The following FCHSD1 variants were observed in gnomAD, a reference collection of about 807,000 sequenced individuals.
FCHSD1 encodes the protein FCH and double SH3 domains 1.
FCHSD1 carries 109 observed loss-of-function variants against 101.3 expected under a neutral mutation model. That is an observed-to-expected ratio of 1.08 (90% CI 0.92 to 1.26). The LOEUF is 1.26. FCHSD1 is among the 50% of genes most tolerant of loss of function. FCHSD1 has a pLI of 0.00. For missense variants in FCHSD1, 820 were observed against 895.8 expected (o/e 0.92, Z 1.08); for synonymous variants, 291 against 356.8 (o/e 0.82, Z 2.08).
Position 141,640,076 on chromosome 5 carries a change from G to C in FCHSD1, c.*1422C>G. ...CCAAGGCAGGGATGCCTGCCATGGAGAGGCTGCCCCCTGAGAGGCCACAGC... is the reference window on the plus strand; with the variant it reads ...CCAAGGCAGGGATGCCTGCCATGGACAGGCTGCCCCCTGAGAGGCCACAGC... On this transcript the variant is annotated 3_prime_UTR_variant, in exon 20 of 20. Transcript: ENST00000435817. 1 of 1,613,640 alleles carries C rather than the reference G, an allele frequency of 6.2e-7. No individual in the cohort carries two copies. The highest frequency in any genetic ancestry group is 1.1e-5 in the South Asian group (1 of 91,080).
In FCHSD1 at chr5:141,640,488, A is replaced by G. The variant is rs1473760952; in HGVS notation, c.*1010T>C. ...CTAAATGAGGTAATCTCATCTTCCC[A>G]TCACCTACTTAAACTATTTAAGCCT... On this transcript the variant is annotated 3_prime_UTR_variant, in exon 20 of 20. Coordinates refer to ENST00000435817, the MANE Select transcript of FCHSD1 (RefSeq NM_033449.3). 1 of 1,613,990 alleles carries G rather than the reference A, an allele frequency of 6.2e-7. No homozygotes were observed. The highest frequency in any genetic ancestry group is 8.5e-7 in the Non-Finnish European group (1 of 1,179,936).
intron 8 of FCHSD1, 100 bp from the exon 9 acceptor site, chr5:141,647,620 G>A: frequency 6.5e-7 from 1 of 1,538,730 alleles, no homozygotes. Context: ...TGAGGTATAG[G>A]AAGGAGAGAA....
chr5:141,647,217 T>TG lies in FCHSD1; in HGVS notation c.841dup (p.Gln281ProfsTer27). On this transcript the variant is annotated frameshift_variant, in exon 10 of 20. Transcript: ENST00000435817. LOFTEE classifies it high-confidence loss of function. The stretch of plus-strand genomic sequence containing the variant: ...CTCCTGAAGAAACAGCTTCAGGTCT[T>TG]GCTCCCAGCTTACCTAGGGGTTGGG... 1 of 1,606,328 alleles carries TG rather than the reference T, an allele frequency of 6.2e-7. No homozygotes were observed. Among genetic ancestry groups the TG allele is most frequent in the South Asian group, 1.1e-5 (1 of 89,284 alleles).
In FCHSD1 at chr5:141,639,431, G is replaced by A; in HGVS notation, c.*2067C>T. 1 of 1,543,226 alleles carries A rather than the reference G, an allele frequency of 6.5e-7. No individual in the cohort carries two copies. Among genetic ancestry groups the A allele is most frequent in the Non-Finnish European group, 8.8e-7 (1 of 1,132,674 alleles). On this transcript the variant is annotated 3_prime_UTR_variant, in exon 20 of 20. Transcript: ENST00000435817. This position sits in a 1 kb window ranked among gnomAD's most constrained non-coding sequence, Gnocchi z 4.4. The stretch of plus-strand genomic sequence containing the variant: ...ACAAAACATGAAGGGAAATGGAAAT[G>A]TTACCCTCACTCCCCTCCTCCCTGC...
At position 141,644,216 on chromosome 5, in the gene FCHSD1, A is replaced by G; in HGVS notation, c.1863+2T>C. ...GGAGTTCAGGGAGAAGGTAAGCCTC[A>G]CCTGTTCAGGGTCAGAGAGTTCAGG... On this transcript the variant is annotated splice_donor_variant, in intron 17 of 19. Transcript: ENST00000435817. LOFTEE classifies it high-confidence loss of function. 3 of 1,608,892 alleles carry G rather than the reference A, an allele frequency of 1.9e-6. No homozygotes were observed. The highest frequency in any genetic ancestry group is 2.5e-6 in the Non-Finnish European group (3 of 1,177,594).
rs1274666385 is a variant in FCHSD1 at position 141,640,276 on chromosome 5, C to T, written c.*1222G>A. On this transcript the variant is annotated 3_prime_UTR_variant, in exon 20 of 20. Coordinates refer to ENST00000435817, the MANE Select transcript of FCHSD1 (RefSeq NM_033449.3). ...GAGGCAAATGGGCAGCCAAGCAAAC[C>T]AGACACTTCTGATCACCAGGTAGGA... 1 of 1,613,756 alleles carries T rather than the reference C, an allele frequency of 6.2e-7. No homozygotes were observed. Among genetic ancestry groups the T allele is most frequent in the Non-Finnish European group, 8.5e-7 (1 of 1,179,866 alleles).
chr5:141,642,627 G>A (rs997990880), intron 18 of FCHSD1: 1 of 542,058 alleles, frequency 1.8e-6, no homozygotes, highest in Non-Finnish European at 3.2e-6. Context: ...CATATTGGGA[G>A]GACACCGTGA....
chr5:141,647,678 G>A, intron 8 of FCHSD1, 158 bp from the exon 9 acceptor site: 1 of 1,185,196 alleles, frequency 8.4e-7, no homozygotes, highest in South Asian at 1.5e-5. Context: ...GCACTTAGAA[G>A]TTTAAAACAC....
Position 141,645,898 on chromosome 5 carries a change from A to C in FCHSD1, c.1184T>G (p.Leu395Arg). The change falls in exon 13 of 20, where the codon CTG becomes CGG. Residue 395 changes from leucine (L) to arginine (R), a missense_variant. Leu to Arg is a moderately radical substitution (Grantham distance 102). Coordinates refer to ENST00000435817, the MANE Select transcript of FCHSD1 (RefSeq NM_033449.3). ...CACATCTAAGCCAGCCCCCTGCAGC[A>C]GGGCCAGCCGGGCAGCCCCCTTCAC... ...SQVKGAARLA[L>R]LQGAGLDVER... The C allele has an allele frequency of 6.3e-7, 1 of 1,576,402 alleles. No individual in the cohort carries two copies. Among genetic ancestry groups the C allele is most frequent in the Non-Finnish European group, 8.6e-7 (1 of 1,160,704 alleles).
Position 141,642,409 on chromosome 5 carries a change from A to G in FCHSD1, c.1951+592T>C, listed in dbSNP as rs1018221055. 20 of 694,678 alleles carry G rather than the reference A, an allele frequency of 2.9e-5. No individual in the cohort carries two copies. In the Admixed American group the frequency reaches 3.1e-4, roughly 11 times the overall value. 43.0% of individuals were successfully genotyped at this position (694,678 alleles called of 1,614,324 possible). A position where few individuals can be genotyped will look rare whatever the true frequency, so the allele number is the denominator to read the frequency against. On this transcript the variant is annotated intron_variant, in intron 18 of 19. Transcript: ENST00000435817. ...GTTGAAAAATTACCTATCAGGTACA[A>G]TGTTCACTATTTGAGTTACAGGTAC...
rs773582412 is a variant in FCHSD1, at chr5:141,647,136, T to C, written c.923A>G (p.Gln308Arg). ...PQQFQPAGTD[Q>R]VCVLEWGAEG... is the part of the protein sequence containing the mutation. ...TTCCAACAAGCAGGAAGATCTCACC[T>C]GATCAGTCCCTGCTGGCTGAAACTG... is the stretch of plus-strand genomic sequence containing the variant. The change falls in exon 10 of 20, where the codon CAG becomes CGG. Residue 308 changes from glutamine to arginine, a missense_variant and splice_region_variant. Transcript: ENST00000435817. 8.7e-6 allele frequency: 14 copies of C among 1,603,966 alleles called. No homozygotes were observed. The highest frequency in any genetic ancestry group is 1.1e-5 in the Non-Finnish European group (13 of 1,175,202).
At position 141,651,087 on chromosome 5, in the gene FCHSD1, A is replaced by G; in HGVS notation, c.52T>C (p.Phe18Leu). ...TGAAGGATGCTCAGCTGTTCCAGGA[A>G]GCGAAGCTTCACCTCCTGGGCCGGC... ...VKPAQEVKLR[F>L]LEQLSILQTW... Residue 18 changes from phenylalanine to leucine, a missense_variant, in exon 2 of 20, where the codon TTC becomes CTC. Coordinates refer to ENST00000435817, the MANE Select transcript of FCHSD1 (RefSeq NM_033449.3). The G allele has an allele frequency of 6.3e-7, 1 of 1,596,464 alleles. No homozygotes were observed. Among genetic ancestry groups the G allele is most frequent in the Non-Finnish European group, 8.5e-7 (1 of 1,171,198 alleles).
At chr5:141,645,986 C>A in intron 12 of FCHSD1, 54 bp from the exon 13 acceptor site, 1 of 1,540,386 alleles carries the variant, frequency 6.5e-7, no homozygotes, top group Non-Finnish European at 8.8e-7. Flanking sequence ...AGTGTTTACT[C>A]TCTGCTTCTC....
chr5:141,639,554 C>T lies in FCHSD1; in HGVS notation c.*1944G>A, dbSNP rs1443025210. The T allele has an allele frequency of 1.2e-6, 2 of 1,613,880 alleles. No homozygotes were observed. The highest frequency in any genetic ancestry group is 8.5e-7 in the Non-Finnish European group (1 of 1,179,970). ...CTGCAGCCCCTTGCCTCCATTGCAG[C>T]CGCAGCAAGAGGCCTCCACTTGTCC... On this transcript the variant is annotated 3_prime_UTR_variant, in exon 20 of 20. Coordinates refer to ENST00000435817, the MANE Select transcript of FCHSD1 (RefSeq NM_033449.3). This position sits in a 1 kb window ranked among gnomAD's most constrained non-coding sequence, Gnocchi z 4.4.
At position 141,640,410 on chromosome 5, in the gene FCHSD1, A is replaced by C. The variant is rs1177547824; in HGVS notation, c.*1088T>G. 31 of 1,613,992 alleles carry C rather than the reference A, an allele frequency of 1.9e-5. No homozygotes were observed. Among genetic ancestry groups the C allele is most frequent in the Non-Finnish European group, 2.3e-5 (27 of 1,179,994 alleles). ...ATTGTTGACCCCTCCCCTTTCTCTC[A>C]GGTGTCTCTACCACAGGGAGCAGGG... On this transcript the variant is annotated 3_prime_UTR_variant, in exon 20 of 20. Coordinates refer to ENST00000435817, the MANE Select transcript of FCHSD1 (RefSeq NM_033449.3).
chr5:141,641,445 C>T lies in FCHSD1; in HGVS notation c.*53G>A. 1 of 1,403,728 alleles carries T rather than the reference C, an allele frequency of 7.1e-7. No homozygotes were observed. 87.0% of individuals were successfully genotyped at this position (1,403,728 alleles called of 1,614,324 possible). A position where few individuals can be genotyped will look rare whatever the true frequency, so the allele number is the denominator to read the frequency against. On this transcript the variant is annotated 3_prime_UTR_variant, in exon 20 of 20. Coordinates refer to ENST00000435817, the MANE Select transcript of FCHSD1 (RefSeq NM_033449.3). ...CTGGATCATTGATGGTGTGGTCTGA[C>T]AGCTTGAAGATAGGGACAGCAGCAT...
At chr5:141,650,939 C>T (rs2099908309) in intron 2 of FCHSD1, 81 bp downstream of exon 2, 3 of 1,360,560 alleles carry the variant, frequency 2.2e-6, no homozygotes, top group Non-Finnish European at 1.0e-6. Flanking sequence ...CCCTGTTCCT[C>T]CACCCCAGCA....
In FCHSD1 at chr5:141,644,682, G is replaced by T. The variant is rs763499908; in HGVS notation, c.1533C>A (p.Asn511Lys). The change falls in exon 16 of 20, where the codon AAC (asparagine) becomes AAA (lysine). Residue 511 changes from asparagine (N) to lysine (K), a missense_variant. Physicochemically the swap from Asn to Lys is moderately conservative, Grantham distance 94. Transcript: ENST00000435817. ...GDADEWVKAR[N>K]QHGEVGFVPE... ...GGACAAAGCCTACCTCGCCGTGCTG[G>T]TTCCGAGCCTGCTCACCCAGCAATG... 4.3e-6 allele frequency: 7 copies of T among 1,613,914 alleles called. No individual in the cohort carries two copies. Among genetic ancestry groups the T allele is most frequent in the Non-Finnish European group, 4.2e-6 (5 of 1,179,836 alleles).
chr5:141,651,395 C>G lies in FCHSD1; in HGVS notation c.-27G>C. 1 of 1,551,576 alleles carries G rather than the reference C, an allele frequency of 6.4e-7. No homozygotes were observed. The highest frequency in any genetic ancestry group is 1.2e-5 in the South Asian group (1 of 84,086). On this transcript the variant is annotated 5_prime_UTR_variant, in exon 1 of 20. Coordinates refer to ENST00000435817, the MANE Select transcript of FCHSD1 (RefSeq NM_033449.3). ...TCCGCTCCAGCAAGGCGGTCAGCCA[C>G]TGGACTCCGGAACTGGAGGAAGCCC... is the stretch of plus-strand genomic sequence containing the variant.
Sources: allele counts gnomAD v4.1 joint callset, GRCh38; gene constraint gnomAD v4.1.1; non-coding constraint Gnocchi (gnomAD v3.1); transcripts MANE v1.5; gene names NCBI Gene and HGNC (gene_info 2026-07-23, HGNC 2026-07-21).